The following TNIP1 variants were observed in gnomAD, a reference collection of about 807,000 sequenced individuals.
TNIP1 encodes the protein TNFAIP3 interacting protein 1.
Under a neutral mutation model 86.6 loss-of-function variants are expected in TNIP1, and 22 were observed. The ratio of observed to expected loss-of-function variants is 0.25; its 90% CI spans 0.18 to 0.36. TNIP1 has a LOEUF of 0.36. Among genes scored for constraint, TNIP1 ranks in the 10% least tolerant of loss-of-function variants. The pLI is 1.00. For missense variants in TNIP1, 709 were observed against 820.6 expected, an observed-to-expected ratio of 0.86 and a Z score of 1.66; for synonymous variants, 294 against 313.0, an observed-to-expected ratio of 0.94 and a Z score of 0.64.
intron 12 of TNIP1, 36 bp from the exon 13 acceptor site, chr5:151,036,957 C>A (rs758229230): frequency 4.5e-6 from 7 of 1,553,110 alleles, no homozygotes; most frequent in Non-Finnish European, 6.1e-6. Flanking sequence ...TCAGCAGGAA[C>A]CCCTGGAAAT....
intron 15 of TNIP1, 90 bp from the exon 16 acceptor site, chr5:151,033,889 T>C: frequency 8.2e-7 from 1 of 1,216,416 alleles, no homozygotes; most frequent in South Asian, 2.3e-5. Flanking sequence ...GTTAGCTCTC[T>C]GAAGGCTAGC....
At chr5:151,066,852 C>A (rs1445934033) in intron 1 of TNIP1, among the ~76,000 whole-genome samples, 1 of 152,172 alleles carries the variant, frequency 6.6e-6, no homozygotes, top group South Asian at 2.1e-4. Flanking sequence ...GCCAGAGGGG[C>A]AGACAGGGAG....
chr5:151,032,716 G>C (rs2113217310), intron 16 of TNIP1: 1 of 315,332 alleles, frequency 3.2e-6, no homozygotes, highest in South Asian at 3.1e-5. Context: ...AAAGAGGCCA[G>C]CCAGGAGGTT....
chr5:151,063,592 G>A, intron 3 of TNIP1, 21 bp downstream of exon 3: 1 of 1,612,420 alleles, frequency 6.2e-7, no homozygotes. Context: ...AGAGTCAGAG[G>A]TACCCAGACT....
Position 151,039,233 on chromosome 5 carries a change from G to T in TNIP1, c.1135-8C>A. The T allele has an allele frequency of 6.2e-7, 1 of 1,610,464 alleles. No individual in the cohort carries two copies. On this transcript the variant is annotated splice_polypyrimidine_tract_variant and splice_region_variant and intron_variant, in intron 11 of 17. Transcript: ENST00000521591. ...CAGCTGCTCCTTGTCGGTCTGCAGGGAATACAAGGTTGGTAAGCTGGCTAG... is the reference window on the plus strand; with the variant it reads ...CAGCTGCTCCTTGTCGGTCTGCAGGTAATACAAGGTTGGTAAGCTGGCTAG...
chr5:151,085,030 C>T (rs1764226545), upstream of TNIP1, among the ~76,000 whole-genome samples: 1 of 152,182 alleles, frequency 6.6e-6, no homozygotes, highest in South Asian at 2.1e-4. Context: ...TCTCTCTATC[C>T]AGCTCCCAAA....
intron 4 of TNIP1, among the ~76,000 whole-genome samples, chr5:151,060,858 G>A (rs561073534): frequency 3.3e-5 from 5 of 152,308 alleles, no homozygotes; most frequent in Non-Finnish European, 5.9e-5. Context: ...TTCCTGCCAC[G>A]GCCCCAGAGC....
chr5:151,035,829 G>C, intron 13 of TNIP1, 122 bp from the exon 14 acceptor site: 2 of 1,282,406 alleles, frequency 1.6e-6, no homozygotes, highest in Non-Finnish European at 2.1e-6. Context: ...GTCGCCATGG[G>C]GAGTGGGACA....
At chr5:151,068,954 C>T (rs1045799843) in intron 1 of TNIP1, among the ~76,000 whole-genome samples, 5 of 152,266 alleles carry the variant, frequency 3.3e-5, no homozygotes, top group Non-Finnish European at 7.3e-5. Flanking sequence ...TCTTCCAAAA[C>T]AAGACCTCAG....
At position 151,062,137 on chromosome 5, in the gene TNIP1, G is replaced by A. The variant is rs1442800871; in HGVS notation, c.347C>T (p.Pro116Leu). The change falls in exon 4 of 18, where the codon CCT (proline) becomes CTT (leucine). Residue 116 changes from proline to leucine, a missense_variant. Transcript: ENST00000521591. ...CCAAATAAAACTTACACTGGATGGA[G>A]GCTTCTGGACTGGTGCTGGCTTGTC... The part of the protein sequence containing the change: ...PSDKPAPVQK[P>L]PSSGTSSEFE... The A allele has an allele frequency of 6.2e-7, 1 of 1,614,182 alleles. No individual in the cohort carries two copies. Among genetic ancestry groups the A allele is most frequent in the Non-Finnish European group, 8.5e-7 (1 of 1,180,006 alleles).
rs758911001 is a variant in TNIP1 at position 151,056,783 on chromosome 5, G to A, written c.610C>T (p.Arg204Cys). The change falls in exon 6 of 18, where the codon CGC becomes TGC. Residue 204 changes from arginine (R) to cysteine (C), a missense_variant. Transcript: ENST00000521591. ...LASKVHKNEQRTSILQTLCEQ... is the reference protein window; with the variant it reads ...LASKVHKNEQCTSILQTLCEQ... ...CGCCTCACCTGCAGAATGGAGGTGCGCTGCTCATTCTTGTGCACCTTGGAT... is the reference window on the plus strand; with the variant it reads ...CGCCTCACCTGCAGAATGGAGGTGCACTGCTCATTCTTGTGCACCTTGGAT... 5.9e-6 allele frequency: 9 copies of A among 1,535,450 alleles called. No individual in the cohort carries two copies. Among genetic ancestry groups the A allele is most frequent in the Non-Finnish European group, 7.9e-6 (9 of 1,135,458 alleles).
rs987975806 is a variant in TNIP1 at position 151,030,417 on chromosome 5, G to A, written c.*296C>T. 1.9e-6 allele frequency: 1 copy of A among 529,218 alleles called. No individual in the cohort carries two copies. Among genetic ancestry groups the A allele is most frequent in the Non-Finnish European group, 3.4e-6 (1 of 292,412 alleles). 32.8% of individuals were successfully genotyped at this position (529,218 alleles called of 1,614,324 possible). A position where few individuals can be genotyped will look rare whatever the true frequency, so the allele number is the denominator to read the frequency against. On this transcript the variant is annotated 3_prime_UTR_variant, in exon 18 of 18. Coordinates refer to ENST00000521591, the MANE Select transcript of TNIP1 (RefSeq NM_006058.5). Reference sequence around the variant, plus strand: ...CACTCTTAGGATTGCTGCTCCTGGAGGCTTCTGCAACGGATGGTGGGTCAA... The same window carrying A: ...CACTCTTAGGATTGCTGCTCCTGGAAGCTTCTGCAACGGATGGTGGGTCAA...
chr5:151,066,808 G>A (rs1292267516), intron 1 of TNIP1, among the ~76,000 whole-genome samples: 3 of 152,146 alleles, frequency 2.0e-5, no homozygotes. Context: ...CTGTGACTCT[G>A]ACCCCCACCA....
intron 2 of TNIP1, among the ~76,000 whole-genome samples, chr5:151,064,417 A>G (rs1357432823): frequency 6.6e-6 from 1 of 152,132 alleles, no homozygotes; most frequent in Non-Finnish European, 1.5e-5. Context: ...TCTGGAGGAG[A>G]AGGGGGCACA....
chr5:151,050,326 G>A (rs1759742026), intron 7 of TNIP1, among the ~76,000 whole-genome samples: 2 of 152,126 alleles, frequency 1.3e-5, no homozygotes, highest in African/African-American at 2.4e-5. Flanking sequence ...AACAGGCCCT[G>A]GGCACCTCTC....
chr5:151,060,469 A>C, intron 4 of TNIP1, 74 bp from the exon 5 acceptor site: 1 of 1,382,232 alleles, frequency 7.2e-7, no homozygotes, highest in Non-Finnish European at 1.0e-6. Context: ...TGTGGCTGAG[A>C]GCAGCAAGGG....
At chr5:151,049,687 A>T in intron 8 of TNIP1, 137 bp downstream of exon 8, 1 of 1,114,674 alleles carries the variant, frequency 9.0e-7, no homozygotes, top group Non-Finnish European at 1.3e-6. Flanking sequence ...AGTAAAGAAA[A>T]AAACACGTAA....
intron 1 of TNIP1, among the ~76,000 whole-genome samples, chr5:151,086,249 T>C (rs1020151871): frequency 2.0e-5 from 3 of 152,144 alleles, no homozygotes; most frequent in Admixed American, 6.5e-5. Context: ...TTTAAATAAG[T>C]AGAATTAAAC....
rs1761821689 is a variant in TNIP1 at position 151,063,315 on chromosome 5, G to C, written c.271+298C>G. 2.0e-5 allele frequency among the ~76,000 whole-genome samples: 3 copies of C among 152,274 alleles called. No individual in the cohort carries two copies. The South Asian group carries it at 6.2e-4, about 32-fold the overall frequency. On this transcript the variant is annotated intron_variant, in intron 3 of 17. Coordinates refer to ENST00000521591, the MANE Select transcript of TNIP1 (RefSeq NM_006058.5). ...CTGCTCATTAAATATTAAATATGCT[G>C]ATAAAGACCCCAAGGCCACAGGACT...
Sources: gnomAD v4.1 joint callset for allele counts (sites outside exome capture counted in the v4.1 genomes callset) on GRCh38, gnomAD v4.1.1 for gene constraint, MANE v1.5 for transcripts, NCBI Gene and HGNC (gene_info 2026-07-23, HGNC 2026-07-21) for gene names.